Variants in ZNF773 observed in about 807,000 individuals in gnomAD.
The protein encoded by ZNF773 is zinc finger protein 419B.
A neutral mutation model predicts 12.8 loss-of-function variants in ZNF773; 11 were observed. That is an observed-to-expected ratio of 0.86 (90% CI 0.54 to 1.42). ZNF773 has a LOEUF of 1.42. ZNF773 is among the 40% of genes most tolerant of loss of function. The probability of loss-of-function intolerance (pLI) is 0.00; values close to 1 mark genes in which losing one functional copy is unlikely to be tolerated. For synonymous variants in ZNF773, 175 were observed against 178.4 expected (o/e 0.98, Z 0.15); for missense variants, 518 against 527.2 (o/e 0.98, Z 0.17).
At position 57,500,173 on chromosome 19, in the gene ZNF773, T is replaced by C. The variant is rs538273377; in HGVS notation, c.33+60T>C. On this transcript the variant is annotated intron_variant, in intron 1 of 3. Transcript: ENST00000282292. ...CTAAAGCCCTGTGAGGGCCGCCTGC[T>C]CAGGTCCCCGGGTGCAGAACTGTGG... is the stretch of plus-strand genomic sequence containing the variant. The C allele has an allele frequency of 2.6e-6, 4 of 1,546,824 alleles. No individual in the cohort carries two copies. In the South Asian group the frequency reaches 3.6e-5, roughly 14 times the overall value.
At chr19:57,512,922 A>C, downstream of ZNF773, 1 of 1,318,572 alleles carries the variant, frequency 7.6e-7, no homozygotes, top group Non-Finnish European at 1.0e-6. Flanking sequence ...GGGCTGTAGA[A>C]GCTCAGGGCC....
downstream of ZNF773, chr19:57,515,798 T>C (rs2089828058): frequency 6.6e-6 from 1 of 152,260 alleles, no homozygotes; most frequent in South Asian, 2.1e-4. Context: ...AACATTACAA[T>C]GCATGTTGAA....
chr19:57,515,872 T>G (rs1180371743), downstream of ZNF773: 5 of 152,316 alleles, frequency 3.3e-5, no homozygotes, highest in South Asian at 8.3e-4. Flanking sequence ...TAGCCTTATT[T>G]ACTTTAAATT....
In ZNF773 at chr19:57,507,416, A is replaced by C. The variant is rs752008199; in HGVS notation, c.1321A>C (p.Ile441Leu). 3 of 1,589,522 alleles carry C rather than the reference A, an allele frequency of 1.9e-6. No homozygotes were observed. The highest frequency in any genetic ancestry group is 2.6e-6 in the Non-Finnish European group (3 of 1,169,956). ...VKHRRIHTGEIQ is the reference protein window; with the variant it reads ...VKHRRIHTGELQ Reference sequence around the variant, plus strand: ...ACATCGAAGGATTCACACTGGAGAAATACAATGATTGTGAGAAATCCTTTA... The same window carrying C: ...ACATCGAAGGATTCACACTGGAGAACTACAATGATTGTGAGAAATCCTTTA... Residue 441 changes from isoleucine (I) to leucine (L), a missense_variant, in exon 4 of 4, where the codon ATA becomes CTA. Transcript: ENST00000282292.
In ZNF773 at chr19:57,500,062, C is replaced by G. The variant is rs758415435; in HGVS notation, c.-19C>G. On this transcript the variant is annotated 5_prime_UTR_variant, in exon 1 of 4. Transcript: ENST00000282292. ...CCCGGGCCCTTTCCTCGGTCGTTGT[C>G]TCACCGCCACAGGCTCCGATGGCGG... The G allele has an allele frequency of 6.3e-6, 10 of 1,590,350 alleles. No homozygotes were observed. In the African/African-American group the frequency reaches 1.1e-4, roughly 17 times the overall value.
intron 3 of ZNF773, 93 bp downstream of exon 3, chr19:57,505,493 C>T (rs942883650): frequency 1.4e-6 from 2 of 1,394,580 alleles, no homozygotes; most frequent in African/African-American, 1.4e-5. Flanking sequence ...TATTTTGATA[C>T]CAAGGCAAGG....
chr19:57,500,127 C>G lies in ZNF773; in HGVS notation c.33+14C>G. The G allele has an allele frequency of 6.2e-7, 1 of 1,601,272 alleles. No homozygotes were observed. The highest frequency in any genetic ancestry group is 8.5e-7 in the Non-Finnish European group (1 of 1,175,624). ...GACCCCGCTCAGGTGAGCGCCGCGTCCTCCCGGCCTCCCCCGAATCCTAAA... is the reference window on the plus strand; with the variant it reads ...GACCCCGCTCAGGTGAGCGCCGCGTGCTCCCGGCCTCCCCCGAATCCTAAA... On this transcript the variant is annotated intron_variant, in intron 1 of 3. Coordinates refer to ENST00000282292, the MANE Select transcript of ZNF773 (RefSeq NM_198542.3).
chr19:57,507,698 G>T lies in ZNF773; in HGVS notation c.*274G>T. On this transcript the variant is annotated 3_prime_UTR_variant, in exon 4 of 4. Transcript: ENST00000282292. ...CCTGACTTAAAGCAGAAACAGCCAG[G>T]CGTGGTGGCTGACACCTGTTATTCT... The T allele has an allele frequency of 1.6e-6, 2 of 1,233,418 alleles. No individual in the cohort carries two copies. The highest frequency in any genetic ancestry group is 2.0e-6 in the Non-Finnish European group (2 of 988,426). The allele number at this position is 1,233,418 out of a possible 1,614,324, so 76.4% of individuals were successfully genotyped here.
At chr19:57,512,763 C>T (rs1333235834), downstream of ZNF773, among the ~76,000 whole-genome samples, 6 of 152,166 alleles carry the variant, frequency 3.9e-5, no homozygotes, top group South Asian at 2.1e-4. Flanking sequence ...AGGGCAGTCA[C>T]ACCCCAGGTG....
At chr19:57,511,055 ATTTT>A (rs58295363), downstream of ZNF773, among the ~76,000 whole-genome samples, 2 of 116,830 alleles carry the variant, frequency 1.7e-5, no homozygotes, top group Admixed American at 8.2e-5. Context: ...TATTTTATTT[ATTTT>A]TTTTTTTTTT....
chr19:57,506,766 G>A lies in ZNF773; in HGVS notation c.671G>A (p.Cys224Tyr). ...GAAAAGCCTTATGAATGCAGTGAAT[G>A]TGGGAAGTTATTTAGCCATAAGTCC... is the stretch of plus-strand genomic sequence containing the variant. ...TGEKPYECSE[C>Y]GKLFSHKSNL... The change falls in exon 4 of 4, where the codon TGT becomes TAT. Residue 224 changes from cysteine to tyrosine, a missense_variant. Physicochemically the swap from Cys to Tyr is radical, Grantham distance 194. Coordinates refer to ENST00000282292, the MANE Select transcript of ZNF773 (RefSeq NM_198542.3). 1.2e-6 allele frequency: 2 copies of A among 1,614,276 alleles called. No homozygotes were observed. Among genetic ancestry groups the A allele is most frequent in the Non-Finnish European group, 1.7e-6 (2 of 1,180,046 alleles).
Position 57,500,067 on chromosome 19 carries a change from C to T in ZNF773, c.-14C>T, listed in dbSNP as rs776803796. On this transcript the variant is annotated 5_prime_UTR_variant, in exon 1 of 4. Transcript: ENST00000282292. ...GCCCTTTCCTCGGTCGTTGTCTCAC[C>T]GCCACAGGCTCCGATGGCGGCGGCC... is the stretch of plus-strand genomic sequence containing the variant. The T allele has an allele frequency of 2.5e-6, 4 of 1,596,412 alleles. No individual in the cohort carries two copies. Among genetic ancestry groups the T allele is most frequent in the Admixed American group, 3.4e-5 (2 of 58,552 alleles).
At chr19:57,508,569 G>A (rs1600154493), downstream of ZNF773, 4 of 700,362 alleles carry the variant, frequency 5.7e-6, no homozygotes, top group Non-Finnish European at 7.8e-6. Flanking sequence ...TATTCTGTAA[G>A]TTGATCCAAA....
At chr19:57,511,293 T>C (rs10402657), downstream of ZNF773, among the ~76,000 whole-genome samples, 134,915 of 152,020 alleles carry the variant, frequency 0.89, 59,875 homozygotes, top group South Asian at 0.93. Flanking sequence ...CCTCGTGATC[T>C]GCCCGCCTCA....
At chr19:57,511,001 A>G (rs2089789436), downstream of ZNF773, among the ~76,000 whole-genome samples, 1 of 151,860 alleles carries the variant, frequency 6.6e-6, no homozygotes, top group African/African-American at 2.4e-5. Context: ...TGGAAATGCA[A>G]AGGGCCTGGA....
chr19:57,512,721 T>C (rs1180319516), downstream of ZNF773, among the ~76,000 whole-genome samples: 1 of 152,174 alleles, frequency 6.6e-6, no homozygotes, highest in African/African-American at 2.4e-5. Context: ...TTGGCAAGCC[T>C]ACAACTGTGT....
chr19:57,500,382 T>C (rs1353822492), intron 1 of ZNF773, among the ~76,000 whole-genome samples: 1 of 151,814 alleles, frequency 6.6e-6, no homozygotes, highest in African/African-American at 2.4e-5. Context: ...CCCGAGCAGC[T>C]GCGCTTTCAT....
chr19:57,506,828 A>G lies in ZNF773; in HGVS notation c.733A>G (p.Arg245Gly). The change falls in exon 4 of 4, where the codon AGG (arginine) becomes GGG (glycine). Residue 245 changes from arginine (R) to glycine (G), a missense_variant. By Grantham distance (125) the Arg-to-Gly change is moderately radical. Coordinates refer to ENST00000282292, the MANE Select transcript of ZNF773 (RefSeq NM_198542.3). The part of the protein sequence containing the change: ...FIHQIVHTGE[R>G]PYGCSDCGKS... ...ACACCAAATAGTTCACACTGGAGAA[A>G]GGCCTTATGGGTGTAGTGACTGTGG... 6.2e-7 allele frequency: 1 copy of G among 1,614,226 alleles called. No homozygotes were observed. The highest frequency in any genetic ancestry group is 2.2e-5 in the East Asian group (1 of 44,886).
rs201076390 is a variant in ZNF773, at chr19:57,506,403, C to A, written c.308C>A (p.Ala103Asp). Residue 103 changes from alanine (A) to aspartate (D), a missense_variant, in exon 4 of 4, where the codon GCT becomes GAT. Ala to Asp is a moderately radical substitution (Grantham distance 126). Coordinates refer to ENST00000282292, the MANE Select transcript of ZNF773 (RefSeq NM_198542.3). ...AKAEAAAEQS[A>D]SVEVPSSNVQ... Reference sequence around the variant, plus strand: ...GCTGAGGCAGCTGCTGAGCAGAGTGCTTCTGTAGAAGTGCCCAGTTCAAAC... The same window carrying A: ...GCTGAGGCAGCTGCTGAGCAGAGTGATTCTGTAGAAGTGCCCAGTTCAAAC... The A allele has an allele frequency of 6.2e-7, 1 of 1,614,082 alleles. No individual in the cohort carries two copies. Among genetic ancestry groups the A allele is most frequent in the African/African-American group, 1.3e-5 (1 of 75,058 alleles).
Sources: gnomAD v4.1 joint callset for allele counts (sites outside exome capture counted in the v4.1 genomes callset) on GRCh38, gnomAD v4.1.1 for gene constraint, MANE v1.5 for transcripts, NCBI Gene and HGNC (gene_info 2026-07-23, HGNC 2026-07-21) for gene names.